ZMYM2: variants seen among roughly 807,000 people sequenced by gnomAD.
ZMYM2 encodes the protein zinc finger MYM-type containing 2, also known as zinc finger MYM-type protein 2.
Under a neutral mutation model 162.8 loss-of-function variants are expected in ZMYM2, and 56 were observed. The observed-to-expected ratio is 0.34, with a 90% CI of 0.28 to 0.43. The LOEUF is 0.43. ZMYM2 is among the 20% of genes least tolerant of loss of function. The probability of loss-of-function intolerance (pLI) is 1.00; values close to 1 mark genes in which losing one functional copy is unlikely to be tolerated. For missense variants in ZMYM2, 1,275 were observed against 1,621.8 expected (o/e 0.79, Z 3.67); for synonymous variants, 510 against 541.6 (o/e 0.94, Z 0.81).
chr13:19,884,055 G>A, the ZMYM2 span, among the ~76,000 whole-genome samples: 2 of 152,128 alleles, frequency 1.3e-5, no homozygotes, highest in East Asian at 1.9e-4. Flanking sequence ...CCCGGGCGTG[G>A]CCTATATATA....
chr13:20,036,950 T>C (rs1332743081), intron 12 of ZMYM2, 41 bp downstream of exon 12: 2 of 1,527,150 alleles, frequency 1.3e-6, no homozygotes, highest in Non-Finnish European at 1.8e-6. Context: ...TTAACCAGTC[T>C]TAAAAAACGT....
At chr13:19,953,582 G>A in the ZMYM2 span, among the ~76,000 whole-genome samples, 1 of 149,394 alleles carries the variant, frequency 6.7e-6, no homozygotes, top group African/African-American at 2.5e-5. Flanking sequence ...TACTCAGGAG[G>A]CTGAGGCAGA....
chr13:19,872,017 TG>T, the ZMYM2 span, among the ~76,000 whole-genome samples: 4 of 152,108 alleles, frequency 2.6e-5, no homozygotes, highest in African/African-American at 9.7e-5. Flanking sequence ...TTACCCTGGC[TG>T]GGGTGCAATG....
chr13:19,914,667 C>T, the ZMYM2 span, among the ~76,000 whole-genome samples: 2 of 152,220 alleles, frequency 1.3e-5, no homozygotes, highest in Non-Finnish European at 1.5e-5. Context: ...TGTGCATTTA[C>T]GTAGTGTCTT....
chr13:19,999,883 T>C (rs190673728), intron 3 of ZMYM2, among the ~76,000 whole-genome samples: 8 of 152,320 alleles, frequency 5.3e-5, no homozygotes, highest in African/African-American at 1.9e-4. Context: ...CTGCAGCCTC[T>C]GCCTCACAGG....
At chr13:19,922,672 G>A in the ZMYM2 span, among the ~76,000 whole-genome samples, 28 of 152,028 alleles carry the variant, frequency 1.8e-4, no homozygotes, top group East Asian at 5.9e-4. Context: ...GTGAAACCCC[G>A]TCTCTACTAA....
At chr13:19,915,407 T>C in the ZMYM2 span, among the ~76,000 whole-genome samples, 3 of 149,044 alleles carry the variant, frequency 2.0e-5, no homozygotes, top group Admixed American at 1.3e-4. Context: ...TTGGCTTGCT[T>C]GCTTGCTTTT....
chr13:20,011,939 G>C (rs933962873), intron 6 of ZMYM2, among the ~76,000 whole-genome samples: 2 of 151,886 alleles, frequency 1.3e-5, no homozygotes, highest in African/African-American at 2.4e-5. Context: ...TAGTAGAGAC[G>C]GGGTTTCACC....
chr13:19,884,878 C>T, the ZMYM2 span, among the ~76,000 whole-genome samples: 1 of 152,116 alleles, frequency 6.6e-6, no homozygotes, highest in Non-Finnish European at 1.5e-5. Flanking sequence ...GGGTGGCCGG[C>T]TTTTATTCCC....
chr13:19,999,275 C>CA (rs1315761472), intron 3 of ZMYM2, among the ~76,000 whole-genome samples: 1 of 152,186 alleles, frequency 6.6e-6, no homozygotes, highest in Non-Finnish European at 1.5e-5. Context: ...TTTGTGGCAA[C>CA]ATTGAGCCGA....
chr13:19,881,980 C>CAA, the ZMYM2 span, among the ~76,000 whole-genome samples: 1,167 of 121,650 alleles, frequency 9.6e-3, 11 homozygotes, highest in South Asian at 0.03. Flanking sequence ...ACTCTGTATC[C>CAA]AAAAAAAAAA....
In ZMYM2 at chr13:19,993,608, A is replaced by C. The variant is rs775338160; in HGVS notation, c.536A>C (p.Asp179Ala). Residue 179 changes from aspartate to alanine, a missense_variant, in exon 3 of 25, where the codon GAC becomes GCC. Asp to Ala is a moderately radical substitution (Grantham distance 126). This residue lies in a region of ZMYM2 where 295 missense variants were observed against 286.7 expected (regional missense o/e 1.03). Transcript: ENST00000610343. ...AATAGTGGTATCACCACAGAACCAGACTCTGAAATTCAGATTGCTAATGTT... is the reference window on the plus strand; with the variant it reads ...AATAGTGGTATCACCACAGAACCAGCCTCTGAAATTCAGATTGCTAATGTT... ...MGNSGITTEP[D>A]SEIQIANVTT... 13 of 1,614,192 alleles carry C rather than the reference A, an allele frequency of 8.1e-6. No homozygotes were observed. Among genetic ancestry groups the C allele is most frequent in the Non-Finnish European group, 1.1e-5 (13 of 1,180,018 alleles).
At chr13:19,906,309 T>C in the ZMYM2 span, among the ~76,000 whole-genome samples, 1 of 123,726 alleles carries the variant, frequency 8.1e-6, no homozygotes, top group African/African-American at 3.3e-5. Flanking sequence ...TATATATATA[T>C]ATATATATAT....
the ZMYM2 span, among the ~76,000 whole-genome samples, chr13:19,877,224 A>AC: frequency 6.6e-6 from 1 of 151,852 alleles, no homozygotes; most frequent in Non-Finnish European, 1.5e-5. Flanking sequence ...AAAAAAAAAA[A>AC]AAAACAAAGA....
chr13:19,883,951 T>C, the ZMYM2 span, among the ~76,000 whole-genome samples: 1,841 of 152,272 alleles, frequency 0.012, 39 homozygotes, highest in African/African-American at 0.04. Context: ...CAGACGGGGT[T>C]TCACCATGTT....
At chr13:19,931,317 T>C in the ZMYM2 span, among the ~76,000 whole-genome samples, 1 of 152,080 alleles carries the variant, frequency 6.6e-6, no homozygotes, top group East Asian at 1.9e-4. Flanking sequence ...ATACAACTCA[T>C]CCCTTCTTTC....
chr13:20,083,715 G>A lies in ZMYM2; in HGVS notation c.3880G>A (p.Glu1294Lys), dbSNP rs763751269. Residue 1294 changes from glutamate to lysine, a missense_variant, in exon 24 of 25, where the codon GAA (glutamate) becomes AAA (lysine). Physicochemically the swap from Glu to Lys is moderately conservative, Grantham distance 56. Coordinates refer to ENST00000610343, the MANE Select transcript of ZMYM2 (RefSeq NM_197968.4). Reference protein sequence around the residue: ...EDDEPVFEQIENTANPSRCPV... With the variant: ...EDDEPVFEQIKNTANPSRCPV... ...TGATGAGCCAGTATTTGAACAAATT[G>A]AAAACACAGCCAATCCTTCCAGATG... 1 of 1,595,654 alleles carries A rather than the reference G, an allele frequency of 6.3e-7. No individual in the cohort carries two copies. Among genetic ancestry groups the A allele is most frequent in the Non-Finnish European group, 8.5e-7 (1 of 1,169,636 alleles).
intron 2 of ZMYM2, among the ~76,000 whole-genome samples, chr13:19,963,713 A>AT (rs1224271541): frequency 6.6e-6 from 1 of 152,174 alleles, no homozygotes; most frequent in African/African-American, 2.4e-5. Flanking sequence ...ACATTTGAAC[A>AT]TATCTGTTGT....
At chr13:20,075,670 C>CTTTTTTTTTTTTTTTTTTTTTTTTTTT (rs56664916) in intron 21 of ZMYM2, among the ~76,000 whole-genome samples, 11 of 75,718 alleles carry the variant, frequency 1.5e-4, no homozygotes, top group African/African-American at 1.6e-4. Flanking sequence ...CTATAGACAC[C>CTTTTTTTTTTTTTTTTTTTTTTTTTTT]TTTTTTTTTT....
Sources: allele counts gnomAD v4.1 joint callset (sites outside exome capture counted in the v4.1 genomes callset), GRCh38; gene constraint gnomAD v4.1.1; regional missense constraint gnomAD v4.1.1; transcripts MANE v1.5; gene names NCBI Gene and HGNC (gene_info 2026-07-23, HGNC 2026-07-21).